Variants in GRIA2 observed in about 807,000 individuals in gnomAD.
GRIA2 encodes glutamate ionotropic receptor AMPA type subunit 2, also known as glutamate receptor 2.
Under a neutral mutation model 97.3 loss-of-function variants are expected in GRIA2, and 14 were observed. The ratio of observed to expected loss-of-function variants is 0.14; its 90% confidence interval spans 0.10 to 0.23. The LOEUF (loss-of-function observed/expected upper bound fraction) is 0.23, where lower values mean the gene tolerates loss of function less well. Among genes scored for constraint, GRIA2 ranks in the 10% least tolerant of loss-of-function variants. GRIA2 has a pLI of 1.00. For missense variants in GRIA2, 558 were observed against 1,069.8 expected (o/e 0.52, Z 6.67); for synonymous variants, 412 against 387.8 (o/e 1.06, Z -0.73).
intron 2 of GRIA2, among the ~76,000 whole-genome samples, chr4:157,238,084 C>G (rs1356591593): frequency 6.6e-6 from 1 of 152,082 alleles, no homozygotes; most frequent in Non-Finnish European, 1.5e-5. Flanking sequence ...TTAACTAACA[C>G]TGTATTTAGT....
At chr4:157,311,491 A>C (rs1291045420) in intron 3 of GRIA2, among the ~76,000 whole-genome samples, 1 of 152,120 alleles carries the variant, frequency 6.6e-6, no homozygotes, top group East Asian at 1.9e-4. Context: ...TGAATCCATA[A>C]AATTTTTAAT....
intron 12 of GRIA2, among the ~76,000 whole-genome samples, chr4:157,343,134 C>A (rs1735618659): frequency 6.6e-6 from 1 of 151,972 alleles, no homozygotes; most frequent in Non-Finnish European, 1.5e-5. Context: ...TTCCAATATG[C>A]AATCGTGGAG....
intron 2 of GRIA2, among the ~76,000 whole-genome samples, chr4:157,237,204 C>T (rs1020996523): frequency 2.0e-5 from 3 of 151,642 alleles, no homozygotes; most frequent in African/African-American, 4.8e-5. Flanking sequence ...TACAGAATCC[C>T]GTTTTATTTT....
rs368844066 is a variant in GRIA2 at position 157,334,179 on chromosome 4, G to A, written c.1266+59G>A. ...ATTTTCTTATGGCTAATATCTGCAGGAGTAGCTATTTATATTTTAGGAGAA... is the reference window on the plus strand; with the variant it reads ...ATTTTCTTATGGCTAATATCTGCAGAAGTAGCTATTTATATTTTAGGAGAA... On this transcript the variant is annotated intron_variant, in intron 9 of 15. Transcript: ENST00000264426. The A allele has an allele frequency of 1.8e-4, 149 of 821,480 alleles. 1 individual carries two copies. The Middle Eastern group carries it at 9.9e-3, about 55-fold the overall frequency. The allele number at this position is 821,480 out of a possible 1,614,324, so 50.9% of individuals were successfully genotyped here.
chr4:157,363,672 C>A lies in GRIA2; in HGVS notation c.*241C>A. 1 of 810,140 alleles carries A rather than the reference C, an allele frequency of 1.2e-6. No homozygotes were observed. The highest frequency in any genetic ancestry group is 1.7e-6 in the Non-Finnish European group (1 of 601,210). 50.2% of individuals were successfully genotyped at this position (810,140 alleles called of 1,614,324 possible). ...TTATTGTCAAAGTGGTGAGAGGCAT[C>A]CAGTATCTTGAAGACTTTTCTTTCA... is the stretch of plus-strand genomic sequence containing the variant. On this transcript the variant is annotated 3_prime_UTR_variant, in exon 16 of 16. Transcript: ENST00000264426.
chr4:157,275,407 C>A (rs530501296), intron 2 of GRIA2, among the ~76,000 whole-genome samples: 67 of 152,156 alleles, frequency 4.4e-4, no homozygotes, highest in African/African-American at 1.5e-3. Context: ...CTTTTGTTGC[C>A]ATTGCTTTTG....
chr4:157,278,605 G>T lies in GRIA2; in HGVS notation c.230-24947G>T, dbSNP rs189473924. Among the ~76,000 whole-genome samples the T allele has an allele frequency of 1.8e-3, 272 of 152,082 alleles. 4 individuals are homozygous for T. Among genetic ancestry groups the T allele is most frequent in the Admixed American group, 0.018 (271 of 15,252 alleles). ...AACACCAAAGGCACAGTCTATGAAAGAAATACTTACTGAGCTGGATTTCAT... is the reference window on the plus strand; with the variant it reads ...AACACCAAAGGCACAGTCTATGAAATAAATACTTACTGAGCTGGATTTCAT... On this transcript the variant is annotated intron_variant, in intron 2 of 15. Transcript: ENST00000264426.
intron 2 of GRIA2, among the ~76,000 whole-genome samples, chr4:157,264,050 G>A (rs1322007484): frequency 6.6e-6 from 1 of 152,036 alleles, no homozygotes; most frequent in African/African-American, 2.4e-5. Flanking sequence ...ATGAAAATAT[G>A]TGAATAAAGT....
At chr4:157,284,653 C>T (rs1024058460) in intron 2 of GRIA2, among the ~76,000 whole-genome samples, 7 of 151,576 alleles carry the variant, frequency 4.6e-5, no homozygotes, top group African/African-American at 1.7e-4. Context: ...TGTATTCTTA[C>T]TACTCATATG....
intron 2 of GRIA2, among the ~76,000 whole-genome samples, chr4:157,265,411 G>A (rs758576466): frequency 6.6e-6 from 1 of 152,114 alleles, no homozygotes; most frequent in Non-Finnish European, 1.5e-5. Flanking sequence ...AATTCAGCTG[G>A]GCTTCAGGTT....
chr4:157,341,965 T>A (rs1459622780), intron 12 of GRIA2: 1 of 187,592 alleles, frequency 5.3e-6, no homozygotes, highest in East Asian at 1.9e-4. Context: ...GGCTCTCCAC[T>A]TCCTAACTTT....
chr4:157,322,066 T>G (rs1328700521), intron 6 of GRIA2, among the ~76,000 whole-genome samples: 1 of 152,094 alleles, frequency 6.6e-6, no homozygotes, highest in Non-Finnish European at 1.5e-5. Context: ...AGGGACAATT[T>G]TACCCTGACT....
chr4:157,255,358 G>A (rs549004405), intron 2 of GRIA2, among the ~76,000 whole-genome samples: 9 of 152,058 alleles, frequency 5.9e-5, no homozygotes, highest in South Asian at 2.1e-4. Context: ...ACAGTGATGC[G>A]ATAAAAATAC....
At chr4:157,360,602 G>T (rs1579394267) in intron 13 of GRIA2, 2 of 431,878 alleles carry the variant, frequency 4.6e-6, no homozygotes, top group East Asian at 1.4e-4. Flanking sequence ...TTGTTTAAGG[G>T]ATATACTTTG....
chr4:157,268,647 C>CA (rs1168631123), intron 2 of GRIA2, among the ~76,000 whole-genome samples: 2 of 151,804 alleles, frequency 1.3e-5, no homozygotes, highest in East Asian at 3.9e-4. Flanking sequence ...TAGTATACTC[C>CA]AAAAAATTCC....
rs568856650 is a variant in GRIA2, at chr4:157,241,853, C to T, written c.229+20046C>T. 2.5e-4 allele frequency among the ~76,000 whole-genome samples: 38 copies of T among 152,018 alleles called. 1 individual carries two copies. Among genetic ancestry groups the T allele is most frequent in the Middle Eastern group, 3.4e-3 (1 of 294 alleles). ...ACATGTTTCTAAGTGTTGATGAAAA[C>T]GATACAAAAAGTAACACTGAGCATT... On this transcript the variant is annotated intron_variant, in intron 2 of 15. Coordinates refer to ENST00000264426, the MANE Select transcript of GRIA2 (RefSeq NM_001083619.3).
Position 157,333,304 on chromosome 4 carries a change from T to G in GRIA2, c.1106T>G (p.Ile369Arg). The G allele has an allele frequency of 6.2e-7, 1 of 1,604,186 alleles. No individual in the cohort carries two copies. The highest frequency in any genetic ancestry group is 8.5e-7 in the Non-Finnish European group (1 of 1,173,318). ...AAGTTTGACCAGAATGGAAAAAGAATAAACTATACAATTAACATCATGGAG... is the reference window on the plus strand; with the variant it reads ...AAGTTTGACCAGAATGGAAAAAGAAGAAACTATACAATTAACATCATGGAG... ...NIKFDQNGKR[I>R]NYTINIMELK... Residue 369 changes from isoleucine to arginine, a missense_variant, in exon 8 of 16, where the codon ATA becomes AGA. Physicochemically the swap from Ile to Arg is moderately conservative, Grantham distance 97. Transcript: ENST00000264426.
chr4:157,293,065 T>C (rs1379202818), intron 2 of GRIA2, among the ~76,000 whole-genome samples: 1 of 152,102 alleles, frequency 6.6e-6, no homozygotes, highest in African/African-American at 2.4e-5. Flanking sequence ...AAAATATCAA[T>C]TATTAGTGAA....
chr4:157,336,013 T>A, intron 10 of GRIA2, 136 bp downstream of exon 10: 2 of 685,566 alleles, frequency 2.9e-6, no homozygotes, highest in Non-Finnish European at 2.6e-6. Context: ...TCTTGTTGAT[T>A]TGTGAACATC....
Sources: gnomAD v4.1 joint callset for allele counts (sites outside exome capture counted in the v4.1 genomes callset) on GRCh38, gnomAD v4.1.1 for gene constraint, MANE v1.5 for transcripts, NCBI Gene and HGNC (gene_info 2026-07-23, HGNC 2026-07-21) for gene names.